Variants in OR2L13 observed in about 807,000 individuals in gnomAD.
The protein encoded by OR2L13 is olfactory receptor 2L13.
In OR2L13, 14 loss-of-function variants were observed where a neutral mutation model predicts 15.3. The observed-to-expected ratio is 0.91, with a 90% CI of 0.60 to 1.43. OR2L13 has a LOEUF of 1.43. Ranked by LOEUF, OR2L13 falls within the 40% of genes most tolerant of loss-of-function variation. OR2L13 has a pLI of 0.00. For synonymous variants in OR2L13, 152 were observed against 142.9 expected, an observed-to-expected ratio of 1.06 and a Z score of -0.45; for missense variants, 367 against 387.9, an observed-to-expected ratio of 0.95 and a Z score of 0.45.
chr1:247,992,641 CTCAG>C, the OR2L13 span, among the ~76,000 whole-genome samples: 4 of 152,152 alleles, frequency 2.6e-5, no homozygotes, highest in Non-Finnish European at 5.9e-5. Context: ...TTTGTTCTTC[CTCAG>C]TCAATTTGCT....
chr1:247,983,859 G>T, the OR2L13 span, among the ~76,000 whole-genome samples: 1,032 of 152,334 alleles, frequency 6.8e-3, 5 homozygotes, highest in African/African-American at 0.023. Flanking sequence ...CAGGACAGGT[G>T]TCTGCCTTAT....
chr1:247,983,159 A>G, the OR2L13 span, among the ~76,000 whole-genome samples: 1 of 152,206 alleles, frequency 6.6e-6, no homozygotes, highest in Non-Finnish European at 1.5e-5. Context: ...AAAATCTCTG[A>G]ATCTCAATTT....
the OR2L13 span, among the ~76,000 whole-genome samples, chr1:248,069,928 T>C: frequency 6.6e-6 from 1 of 152,018 alleles, no homozygotes; most frequent in South Asian, 2.1e-4. Flanking sequence ...GAGCTAACTA[T>C]CCTAAATATA....
chr1:247,987,188 A>G, the OR2L13 span, among the ~76,000 whole-genome samples: 8 of 152,194 alleles, frequency 5.3e-5, no homozygotes, highest in African/African-American at 1.4e-4. Context: ...AATTGTTAGT[A>G]TATAGAAGTC....
At chr1:248,073,656 TAAAA>T in the OR2L13 span, among the ~76,000 whole-genome samples, 1 of 150,306 alleles carries the variant, frequency 6.7e-6, no homozygotes, top group Non-Finnish European at 1.5e-5. Context: ...ATTAAAAAAA[TAAAA>T]AATAAAAATA....
the OR2L13 span, among the ~76,000 whole-genome samples, chr1:248,030,661 T>TA: frequency 6.6e-6 from 1 of 152,212 alleles, no homozygotes; most frequent in Non-Finnish European, 1.5e-5. Context: ...ATGCTCATTA[T>TA]AATCTTAATG....
At chr1:248,038,563 A>T in the OR2L13 span, 1 of 1,614,174 alleles carries the variant, frequency 6.2e-7, no homozygotes, top group Non-Finnish European at 8.5e-7. Flanking sequence ...TGTGGGATTC[A>T]GAGTTTCTTC....
At chr1:247,947,103 G>A in the OR2L13 span, among the ~76,000 whole-genome samples, 5 of 151,884 alleles carry the variant, frequency 3.3e-5, no homozygotes, top group East Asian at 3.9e-4. Flanking sequence ...TGAAACTTCC[G>A]CTTAATATTT....
At chr1:247,994,508 GAC>G in the OR2L13 span, among the ~76,000 whole-genome samples, 1 of 152,074 alleles carries the variant, frequency 6.6e-6, no homozygotes, top group Admixed American at 6.6e-5. Context: ...CTGGCTCTCA[GAC>G]ACACACACAG....
chr1:248,095,858 G>A (rs1664726905), upstream of OR2L13, among the ~76,000 whole-genome samples: 1 of 150,736 alleles, frequency 6.6e-6, no homozygotes, highest in South Asian at 2.1e-4. Flanking sequence ...GCCCGCCTTG[G>A]CCTCCCAAAG....
the OR2L13 span, chr1:248,022,653 G>C: frequency 6.2e-7 from 1 of 1,614,036 alleles, no homozygotes; most frequent in East Asian, 2.2e-5. Flanking sequence ...GAGGAAAAAG[G>C]CCTATTCGAC....
chr1:247,954,956 A>AT, the OR2L13 span, among the ~76,000 whole-genome samples: 141 of 45,146 alleles, frequency 3.1e-3, 1 homozygote, highest in Middle Eastern at 0.016. Context: ...ATATATATAT[A>AT]TATATTTTTA....
chr1:248,066,669 A>C, the OR2L13 span, among the ~76,000 whole-genome samples: 4 of 152,326 alleles, frequency 2.6e-5, no homozygotes, highest in African/African-American at 9.6e-5. Flanking sequence ...AATATTTTAA[A>C]ATACATTTGT....
chr1:247,939,996 T>C, the OR2L13 span, among the ~76,000 whole-genome samples: 1 of 152,196 alleles, frequency 6.6e-6, no homozygotes, highest in Admixed American at 6.5e-5. Context: ...TTATGAAACT[T>C]CCTAAAATTG....
the OR2L13 span, among the ~76,000 whole-genome samples, chr1:248,070,304 A>C: frequency 1.3e-5 from 2 of 152,170 alleles, no homozygotes; most frequent in Admixed American, 6.5e-5. Context: ...TCAAACTAGA[A>C]CTCAGGATTA....
the OR2L13 span, among the ~76,000 whole-genome samples, chr1:248,058,942 A>G: frequency 6.6e-6 from 1 of 151,736 alleles, no homozygotes; most frequent in South Asian, 2.1e-4. Flanking sequence ...AATATTTTTT[A>G]TCAATTATTA....
the OR2L13 span, chr1:248,062,723 G>A: frequency 6.6e-6 from 1 of 152,148 alleles, no homozygotes; most frequent in African/African-American, 2.4e-5. Flanking sequence ...AAGAATAACT[G>A]AAAGAGTGGA....
the OR2L13 span, chr1:248,039,029 T>A: frequency 1.2e-6 from 2 of 1,614,118 alleles, no homozygotes; most frequent in Non-Finnish European, 1.7e-6. Context: ...ATGCACCCTT[T>A]GCTTATACCT....
chr1:248,004,492 A>G, the OR2L13 span, among the ~76,000 whole-genome samples: 1 of 152,224 alleles, frequency 6.6e-6, no homozygotes, highest in South Asian at 2.1e-4. Flanking sequence ...TGAAAACTGT[A>G]AAATGTCTTT....
Sources: gnomAD v4.1 joint callset for allele counts (sites outside exome capture counted in the v4.1 genomes callset) on GRCh38, gnomAD v4.1.1 for gene constraint, MANE v1.5 for transcripts, NCBI Gene and HGNC (gene_info 2026-07-23, HGNC 2026-07-21) for gene names.